The following ROBO2 variants were observed in gnomAD, a reference collection of about 807,000 sequenced individuals.
ROBO2 encodes roundabout homolog 2.
In ROBO2, 53 loss-of-function variants were observed where a neutral mutation model predicts 160.8. The observed-to-expected ratio is 0.33, with a 90% CI of 0.26 to 0.41. The LOEUF (loss-of-function observed/expected upper bound fraction) is 0.41. Among genes scored for constraint, ROBO2 ranks in the 10% least tolerant of loss-of-function variants. The pLI, the probability that ROBO2 is intolerant of heterozygous loss-of-function variation, is 1.00. For synonymous variants in ROBO2, 664 were observed against 611.7 expected (o/e 1.09, Z -1.26); for missense variants, 1,577 against 1,722.4 (o/e 0.92, Z 1.49).
Position 76,169,646 on chromosome 3 carries a change from C to A in ROBO2, c.109+232044C>A, listed in dbSNP as rs543548246. Reference sequence around the variant, plus strand: ...TTATTGCATTACAGGTGGTCATAATCATTGATAATAATAAATAATCATTGA... The same window carrying A: ...TTATTGCATTACAGGTGGTCATAATAATTGATAATAATAAATAATCATTGA... On this transcript the variant is annotated intron_variant, in intron 2 of 26. Coordinates refer to the ROBO2 transcript ENST00000487694. Among the ~76,000 whole-genome samples, 27 of 152,210 alleles carry A rather than the reference C, an allele frequency of 1.8e-4. No individual in the cohort carries two copies. In the South Asian group the frequency reaches 5.6e-3, roughly 32 times the overall value.
intron 2 of ROBO2, among the ~76,000 whole-genome samples, chr3:76,450,839 C>G (rs1337788844): frequency 6.6e-6 from 1 of 151,984 alleles, no homozygotes; most frequent in African/African-American, 2.4e-5. Context: ...TTTTCGAAAA[C>G]CATGTGAATG....
At chr3:77,460,771 A>C (rs947841375) in intron 2 of ROBO2, among the ~76,000 whole-genome samples, 1 of 152,220 alleles carries the variant, frequency 6.6e-6, no homozygotes, top group African/African-American at 2.4e-5. Context: ...CACTTATTAT[A>C]GATAAGGTGC....
At chr3:77,355,579 C>A (rs2068992835) in intron 2 of ROBO2, among the ~76,000 whole-genome samples, 2 of 152,076 alleles carry the variant, frequency 1.3e-5, no homozygotes, top group Non-Finnish European at 2.9e-5. Context: ...GCTTATCTAT[C>A]ATGAGTGCTA....
At position 77,538,902 on chromosome 3, in the gene ROBO2, A is replaced by G. The variant is rs752529416; in HGVS notation, c.935-7436A>G. ...GGCAAGCCTATTAACTAATTTTTGC[A>G]GAAACTTTTTAATTTTTTTTCTTCT... is the stretch of plus-strand genomic sequence containing the variant. On this transcript the variant is annotated intron_variant, in intron 6 of 25. Transcript: ENST00000461745. 5.0e-4 allele frequency: 243 copies of G among 482,730 alleles called. 2 individuals are homozygous for G. The highest frequency in any genetic ancestry group is 2.1e-3 in the Admixed American group (97 of 46,310). The allele number at this position is 482,730 out of a possible 1,614,324, so 29.9% of individuals were successfully genotyped here.
At chr3:77,277,180 C>CTTTCTTTCT (rs1217494104) in intron 2 of ROBO2, among the ~76,000 whole-genome samples, 13 of 114,736 alleles carry the variant, frequency 1.1e-4, no homozygotes, top group African/African-American at 5.4e-4. Context: ...TTCTTTCTTT[C>CTTTCTTTCT]TTTCTTTCTT....
intron 13 of ROBO2, among the ~76,000 whole-genome samples, chr3:77,570,118 C>T (rs906844549): frequency 1.3e-5 from 2 of 151,862 alleles, no homozygotes; most frequent in Middle Eastern, 3.2e-3. Context: ...TTTTTCACAG[C>T]GTAGTAGTTT....
intron 6 of ROBO2, among the ~76,000 whole-genome samples, chr3:77,529,241 C>T (rs920535264): frequency 2.6e-5 from 4 of 151,176 alleles, no homozygotes; most frequent in African/African-American, 9.7e-5. Context: ...CGATCTGACA[C>T]TTTTTCAGAT....
chr3:77,223,058 C>T lies in ROBO2; in HGVS notation c.388+124718C>T, dbSNP rs535819582. Among the ~76,000 whole-genome samples the T allele has an allele frequency of 7.2e-5, 11 of 152,230 alleles. No individual in the cohort carries two copies. The South Asian group carries it at 1.2e-3, about 17-fold the overall frequency. On this transcript the variant is annotated intron_variant, in intron 2 of 25. Coordinates refer to ENST00000461745, the Ensembl canonical transcript of ROBO2. ...AAGATCACTGAGGTGTACAGTATTC[C>T]GAAGCCTTCACTTTCCGTTTTATTC...
intron 2 of ROBO2, among the ~76,000 whole-genome samples, chr3:76,988,826 C>G (rs1246208153): frequency 1.3e-5 from 2 of 152,088 alleles, no homozygotes; most frequent in Non-Finnish European, 2.9e-5. Context: ...TATGTATTTT[C>G]AAAATCGAGT....
chr3:77,080,089 A>G (rs1422722992), intron 1 of ROBO2, among the ~76,000 whole-genome samples: 1 of 152,066 alleles, frequency 6.6e-6, no homozygotes, highest in Non-Finnish European at 1.5e-5. Context: ...TTCTTCCTGT[A>G]TTTTTCTTCT....
chr3:76,848,580 T>A (rs2069003794), intron 2 of ROBO2, among the ~76,000 whole-genome samples: 1 of 152,224 alleles, frequency 6.6e-6, no homozygotes, highest in Non-Finnish European at 1.5e-5. Context: ...CAGTTTATAA[T>A]TAACATAAAG....
intron 2 of ROBO2, among the ~76,000 whole-genome samples, chr3:77,014,443 A>C (rs1040366160): frequency 2.0e-5 from 3 of 152,296 alleles, no homozygotes. Context: ...AGATACTCAT[A>C]AGGTGAACTG....
intron 2 of ROBO2, among the ~76,000 whole-genome samples, chr3:76,144,055 A>G (rs2071793004): frequency 6.6e-6 from 1 of 151,900 alleles, no homozygotes; most frequent in South Asian, 2.1e-4. Flanking sequence ...TCAAATGTTA[A>G]TCTCAGCCAG....
chr3:77,166,859 G>A (rs1232471416), intron 2 of ROBO2, among the ~76,000 whole-genome samples: 6 of 152,120 alleles, frequency 3.9e-5, no homozygotes, highest in African/African-American at 1.2e-4. Context: ...GCGCCCGGCC[G>A]ACACAGAGGT....
chr3:77,613,610 G>T (rs894292305), intron 21 of ROBO2, among the ~76,000 whole-genome samples: 1 of 152,026 alleles, frequency 6.6e-6, no homozygotes, highest in African/African-American at 2.4e-5. Context: ...AATAAATTAG[G>T]AAAAAAGAAC....
chr3:76,725,542 G>A lies in ROBO2; in HGVS notation c.110-372472G>A, dbSNP rs543395993. Among the ~76,000 whole-genome samples, 4 of 152,272 alleles carry A rather than the reference G, an allele frequency of 2.6e-5. No individual in the cohort carries two copies. The East Asian group carries it at 7.7e-4, about 29-fold the overall frequency. ...TGAGACATATGCCAGATCAAAATCT[G>A]CTATATGTGCAGATGCTTATTAGTA... On this transcript the variant is annotated intron_variant, in intron 2 of 26. Transcript: ENST00000487694.
At chr3:75,948,407 T>C (rs1462992774) in intron 2 of ROBO2, among the ~76,000 whole-genome samples, 5 of 152,086 alleles carry the variant, frequency 3.3e-5, no homozygotes, top group Non-Finnish European at 7.4e-5. Context: ...TGAAATACTT[T>C]TCTGATAACT....
chr3:76,089,905 T>C (rs1450202410), intron 2 of ROBO2, among the ~76,000 whole-genome samples: 1 of 152,140 alleles, frequency 6.6e-6, no homozygotes, highest in African/African-American at 2.4e-5. Context: ...GCAGATGACA[T>C]GATTGTTGAC....
intron 2 of ROBO2, among the ~76,000 whole-genome samples, chr3:77,111,690 G>T (rs775356679): frequency 6.6e-6 from 1 of 151,994 alleles, no homozygotes; most frequent in Non-Finnish European, 1.5e-5. Context: ...TTAGGGGAAG[G>T]GAAAGAAAAG....
Sources: allele counts gnomAD v4.1 joint callset (sites outside exome capture counted in the v4.1 genomes callset), GRCh38; gene constraint gnomAD v4.1.1; transcripts MANE v1.5; gene names NCBI Gene and HGNC (gene_info 2026-07-23, HGNC 2026-07-21).